The following CNTN2 variants were observed in gnomAD, a reference collection of about 807,000 sequenced individuals.
The protein encoded by CNTN2 is contactin 2, also known as contactin-2.
Under a neutral mutation model 117.5 loss-of-function variants are expected in CNTN2, and 53 were observed. That is an observed-to-expected ratio of 0.45 (90% CI 0.36 to 0.57). The LOEUF is 0.57. Among genes scored for constraint, CNTN2 ranks in the 20% least tolerant of loss-of-function variants. The pLI is 0.00. For missense variants in CNTN2, 1,106 were observed against 1,404.3 expected (o/e 0.79, Z 3.39); for synonymous variants, 530 against 561.7 (o/e 0.94, Z 0.80).
chr1:205,045,073 G>A (rs755648930), intron 1 of CNTN2, among the ~76,000 whole-genome samples: 16 of 152,128 alleles, frequency 1.1e-4, no homozygotes, highest in African/African-American at 3.6e-4. Context: ...GTCACCCAAG[G>A]TCCACCTGCC....
intron 1 of CNTN2, among the ~76,000 whole-genome samples, chr1:205,050,275 C>CTGAG (rs763056911): frequency 1.1e-5 from 1 of 87,512 alleles, no homozygotes; most frequent in Non-Finnish European, 2.4e-5. Flanking sequence ...CCCTAGAGCT[C>CTGAG]TGAGTGTGTG....
At chr1:205,047,087 C>T (rs894128408) in intron 1 of CNTN2, among the ~76,000 whole-genome samples, 2 of 152,180 alleles carry the variant, frequency 1.3e-5, no homozygotes, top group Admixed American at 6.5e-5. Context: ...GGCTGGGCCT[C>T]GGGGAAGCAG....
chr1:205,073,866 T>C lies in CNTN2; in HGVS notation c.*101T>C. 2 of 929,172 alleles carry C rather than the reference T, an allele frequency of 2.2e-6. No individual in the cohort carries two copies. Among genetic ancestry groups the C allele is most frequent in the Non-Finnish European group, 3.4e-6 (2 of 593,564 alleles). The allele number at this position is 929,172 out of a possible 1,614,324, so 57.6% of individuals were successfully genotyped here. ...GGTGGCCTGACACTGTGCCAGAGAG[T>C]GGCTGGTTTTAAATACCTACTTTAA... On this transcript the variant is annotated 3_prime_UTR_variant, in exon 23 of 23. Transcript: ENST00000331830. The surrounding 1 kb of genome is among the most constrained non-coding windows in gnomAD (Gnocchi z 6.3).
intron 1 of CNTN2, among the ~76,000 whole-genome samples, chr1:205,050,235 G>A (rs1018260486): frequency 6.6e-6 from 1 of 151,910 alleles, no homozygotes; most frequent in Non-Finnish European, 1.5e-5. Flanking sequence ...ACATATGTCT[G>A]TGATTTCCCC....
chr1:205,044,508 T>C (rs1216171376), intron 1 of CNTN2, among the ~76,000 whole-genome samples: 4 of 151,350 alleles, frequency 2.6e-5, no homozygotes, highest in Admixed American at 6.6e-5. Flanking sequence ...GTGCATGCCA[T>C]GGCCCCAGCC....
chr1:205,064,945 G>C, intron 12 of CNTN2, 142 bp from the exon 13 acceptor site: 1 of 1,193,860 alleles, frequency 8.4e-7, no homozygotes, highest in Non-Finnish European at 1.2e-6. Context: ...CACTCATGCA[G>C]TCCTGGGCAG....
rs1216336844 is a variant in CNTN2, at chr1:205,070,017, A to T, written c.2387A>T (p.Asp796Val). 6.2e-7 allele frequency: 1 copy of T among 1,613,776 alleles called. No individual in the cohort carries two copies. The change falls in exon 18 of 23, where the codon GAT (aspartate) becomes GTT (valine). Residue 796 changes from aspartate (D) to valine (V), a missense_variant. Transcript: ENST00000331830. The stretch of plus-strand genomic sequence containing the variant: ...ATCCGCAGCTACAACCGCCGCGGGG[A>T]TGGGCCCGAGAGCCTCACTGCACTC... Reference protein sequence around the residue: ...VKIRSYNRRGDGPESLTALVY... With the variant: ...VKIRSYNRRGVGPESLTALVY...
In CNTN2 at chr1:205,065,339, C is replaced by A; in HGVS notation, c.1695+77C>A. 6.6e-7 allele frequency: 1 copy of A among 1,505,556 alleles called. No homozygotes were observed. Among genetic ancestry groups the A allele is most frequent in the Non-Finnish European group, 9.1e-7 (1 of 1,099,268 alleles). 93.3% of individuals were successfully genotyped at this position (1,505,556 alleles called of 1,614,324 possible). A position where few individuals can be genotyped will look rare whatever the true frequency, so the allele number is the denominator to read the frequency against. ...GGGGCCCCAAGATGTCCTTAGCCAT[C>A]CTCACCTTTAAGAAACCCATAGCCT... is the stretch of plus-strand genomic sequence containing the variant. On this transcript the variant is annotated intron_variant, in intron 13 of 22. Coordinates refer to ENST00000331830, the MANE Select transcript of CNTN2 (RefSeq NM_005076.5). The surrounding 1 kb of genome is among the most constrained non-coding windows in gnomAD (Gnocchi z 4.1).
At position 205,076,487 on chromosome 1, in the gene CNTN2, T is replaced by C. The variant is rs1654871035; in HGVS notation, c.*2722T>C. The C allele has an allele frequency of 6.6e-6, 1 of 152,172 alleles. No individual in the cohort carries two copies. Among genetic ancestry groups the C allele is most frequent in the Non-Finnish European group, 1.5e-5 (1 of 68,028 alleles). 9.4% of individuals were successfully genotyped at this position (152,172 alleles called of 1,614,324 possible). On this transcript the variant is annotated 3_prime_UTR_variant, in exon 23 of 23. Transcript: ENST00000331830. ...CTGGGGGAGTTGAGAGTGTGCTTATTTTCACTGCGATCATGAGACCACAGT... is the reference window on the plus strand; with the variant it reads ...CTGGGGGAGTTGAGAGTGTGCTTATCTTCACTGCGATCATGAGACCACAGT...
Position 205,061,126 on chromosome 1 carries a change from C to T in CNTN2, c.798-119C>T. 1 of 1,154,938 alleles carries T rather than the reference C, an allele frequency of 8.7e-7. No homozygotes were observed. Among genetic ancestry groups the T allele is most frequent in the Non-Finnish European group, 1.2e-6 (1 of 829,176 alleles). The allele number at this position is 1,154,938 out of a possible 1,614,324, so 71.5% of individuals were successfully genotyped here. A position where few individuals can be genotyped will look rare whatever the true frequency, so the allele number is the denominator to read the frequency against. Reference sequence around the variant, plus strand: ...CAGCCAGAAGGCACCCTCTCTCCCTCTGTTCCTCCCAGGCCCAGCATCTCA... The same window carrying T: ...CAGCCAGAAGGCACCCTCTCTCCCTTTGTTCCTCCCAGGCCCAGCATCTCA... On this transcript the variant is annotated intron_variant, in intron 7 of 22. Coordinates refer to ENST00000331830, the MANE Select transcript of CNTN2 (RefSeq NM_005076.5). The surrounding 1 kb of genome is among the most constrained non-coding windows in gnomAD (Gnocchi z 4.8).
intron 10 of CNTN2, chr1:205,063,635 A>T (rs2151193530): frequency 6.6e-6 from 1 of 150,708 alleles, no homozygotes; most frequent in Non-Finnish European, 1.5e-5. Context: ...CTTTTAAAAA[A>T]AAAAAAAGAA....
At chr1:205,072,207 C>A in intron 20 of CNTN2, 74 bp downstream of exon 20, 3 of 1,403,366 alleles carry the variant, frequency 2.1e-6, no homozygotes, top group Non-Finnish European at 2.9e-6. Context: ...ATTCCTTCCC[C>A]AATGATAAGA....
intron 15 of CNTN2, 124 bp from the exon 16 acceptor site, chr1:205,066,977 C>A: frequency 8.3e-7 from 1 of 1,207,228 alleles, no homozygotes; most frequent in African/African-American, 1.5e-5. Context: ...GTACTGAGTG[C>A]TTAGTATATG....
In CNTN2 at chr1:205,066,415, C is replaced by G. The variant is rs112799211; in HGVS notation, c.1817-26C>G. ...AATTGGAAGCTGCCCAATTCTGACC[C>G]ACTGTGCTCTGACCTCTTGGTGCAG... On this transcript the variant is annotated intron_variant, in intron 14 of 22. Coordinates refer to ENST00000331830, the MANE Select transcript of CNTN2 (RefSeq NM_005076.5). The G allele has an allele frequency of 3.7e-5, 60 of 1,608,862 alleles. 2 individuals are homozygous for G. In the Middle Eastern group the frequency reaches 6.8e-4, roughly 18 times the overall value.
chr1:205,058,248 C>A lies in CNTN2; in HGVS notation c.283C>A (p.Leu95Met). 1 of 1,557,448 alleles carries A rather than the reference C, an allele frequency of 6.4e-7. No individual in the cohort carries two copies. Among genetic ancestry groups the A allele is most frequent in the South Asian group, 1.2e-5 (1 of 80,522 alleles). The change falls in exon 4 of 23, where the codon CTG becomes ATG. Residue 95 changes from leucine to methionine, a missense_variant. Physicochemically the swap from Leu to Met is conservative, Grantham distance 15. Transcript: ENST00000331830. The surrounding 1 kb of genome is among the most constrained non-coding windows in gnomAD (Gnocchi z 4.3). ...GSRHQLVGGN[L>M]VIMNPTKAQD... is the part of the protein sequence containing the mutation. ...CCGTCACCAGCTGGTGGGGGGCAAC[C>A]TGGTCATCATGAACCCCACCAAGGC... is the stretch of plus-strand genomic sequence containing the variant.
At chr1:205,045,433 G>A (rs1026838770) in intron 1 of CNTN2, among the ~76,000 whole-genome samples, 8 of 152,142 alleles carry the variant, frequency 5.3e-5, no homozygotes, top group Admixed American at 1.3e-4. Flanking sequence ...TGCACATCTC[G>A]TCTCTGGCTG....
Position 205,067,115 on chromosome 1 carries a change from G to A in CNTN2, c.1990G>A (p.Glu664Lys), listed in dbSNP as rs1654332890. The A allele has an allele frequency of 3.1e-6, 5 of 1,610,916 alleles. No homozygotes were observed. Among genetic ancestry groups the A allele is most frequent in the Non-Finnish European group, 3.4e-6 (4 of 1,178,734 alleles). Reference sequence around the variant, plus strand: ...GTGCCTTGCAGATCCTGCAAACATCGAGGGCAATGCCGAGACTGCACAGGT... The same window carrying A: ...GTGCCTTGCAGATCCTGCAAACATCAAGGGCAATGCCGAGACTGCACAGGT... ...KQVRTNPANI[E>K]GNAETAQVLG... The change falls in exon 16 of 23, where the codon GAG becomes AAG. Residue 664 changes from glutamate (E) to lysine (K), a missense_variant. Physicochemically the swap from Glu to Lys is moderately conservative, Grantham distance 56 (BLOSUM62 1). Transcript: ENST00000331830.
In CNTN2 at chr1:205,064,339, A is replaced by T. The variant is rs751299649; in HGVS notation, c.1258A>T (p.Arg420Trp). 2 of 1,586,970 alleles carry T rather than the reference A, an allele frequency of 1.3e-6. No individual in the cohort carries two copies. The highest frequency in any genetic ancestry group is 1.7e-6 in the Non-Finnish European group (2 of 1,162,280). The change falls in exon 11 of 23, where the codon AGG (arginine) becomes TGG (tryptophan). Residue 420 changes from arginine to tryptophan, a missense_variant. Physicochemically the swap from Arg to Trp is moderately radical, Grantham distance 101 (BLOSUM62 -3). Transcript: ENST00000331830. Reference protein sequence around the residue: ...LAVQALAPDFRLNPVRRLIPA... With the variant: ...LAVQALAPDFWLNPVRRLIPA... ...CCTTCTAGCACTCGCCCCTGACTTC[A>T]GGCTGAATCCCGTGAGGCGTCTGAT...
chr1:205,048,290 T>G lies in CNTN2; in HGVS notation c.-86-4810T>G, dbSNP rs1389588172. On this transcript the variant is annotated intron_variant, in intron 1 of 22. Coordinates refer to ENST00000331830, the MANE Select transcript of CNTN2 (RefSeq NM_005076.5). The surrounding 1 kb of genome is among the most constrained non-coding windows in gnomAD (Gnocchi z 4.1). ...GAGGGTGTACCTTTTATTTTTTGAC[T>G]GGCTCCATGCGGGGGGCCTTATCCC... is the stretch of plus-strand genomic sequence containing the variant. Among the ~76,000 whole-genome samples the G allele has an allele frequency of 6.6e-6, 1 of 152,180 alleles. No homozygotes were observed. The highest frequency in any genetic ancestry group is 1.9e-4 in the East Asian group (1 of 5,188).
Sources: allele counts gnomAD v4.1 joint callset (sites outside exome capture counted in the v4.1 genomes callset), GRCh38; gene constraint gnomAD v4.1.1; non-coding constraint Gnocchi (gnomAD v3.1); transcripts MANE v1.5; gene names NCBI Gene and HGNC (gene_info 2026-07-23, HGNC 2026-07-21).